Variants in ARFGAP3 observed in about 807,000 individuals in gnomAD.
ARFGAP3 encodes ADP-ribosylation factor GTPase-activating protein 3.
ARFGAP3 carries 72 observed loss-of-function variants against 75.0 expected under a neutral mutation model. The observed-to-expected ratio is 0.96, with a 90% confidence interval of 0.79 to 1.17. The LOEUF is 1.17. Among genes scored for constraint, ARFGAP3 ranks in the 50% most tolerant of loss-of-function variants. ARFGAP3 has a pLI of 0.00. For missense variants in ARFGAP3, 620 were observed against 626.6 expected (o/e 0.99, Z 0.11); for synonymous variants, 221 against 217.9 (o/e 1.01, Z -0.13).
intron 14 of ARFGAP3, among the ~76,000 whole-genome samples, chr22:42,801,027 C>T (rs928561389): frequency 1.3e-5 from 2 of 152,216 alleles, no homozygotes; most frequent in South Asian, 2.1e-4. Flanking sequence ...TAACTGATAA[C>T]ATCACTAAAG....
intron 6 of ARFGAP3, among the ~76,000 whole-genome samples, chr22:42,828,825 C>T (rs909822073): frequency 3.3e-5 from 5 of 151,558 alleles, no homozygotes; most frequent in African/African-American, 9.7e-5. Flanking sequence ...GCTGGGATTA[C>T]AGGCATGCAC....
intron 14 of ARFGAP3, among the ~76,000 whole-genome samples, chr22:42,804,450 C>T (rs2413724): frequency 0.4 from 57,307 of 144,226 alleles, 11,785 homozygotes; most frequent in Non-Finnish European, 0.45. Flanking sequence ...GGTGTGATCT[C>T]GGCACACTGC....
At chr22:42,842,235 C>G (rs375040538) in intron 2 of ARFGAP3, among the ~76,000 whole-genome samples, 2 of 151,420 alleles carry the variant, frequency 1.3e-5, no homozygotes, top group Admixed American at 1.3e-4. Context: ...AAACTCCCGA[C>G]CTTAGGTGAT....
chr22:42,817,431 T>C, intron 10 of ARFGAP3, 167 bp from the exon 11 acceptor site: 5 of 563,620 alleles, frequency 8.9e-6, no homozygotes, highest in Non-Finnish European at 1.1e-5. Flanking sequence ...TCAAAAATGT[T>C]AAAATTTTGT....
Position 42,847,411 on chromosome 22 carries a change from G to A in ARFGAP3, c.188+103C>T, listed in dbSNP as rs1034973838. On this transcript the variant is annotated intron_variant, in intron 2 of 15. Transcript: ENST00000263245. ...CACTCCTGCAGCCAAGGTGACAGGC[G>A]ACAAGGCAAGACACTGTCTCAAAAA... The A allele has an allele frequency of 7.2e-5, 72 of 995,184 alleles. 1 individual carries two copies. Among genetic ancestry groups the A allele is most frequent in the African/African-American group, 1.2e-4 (7 of 60,006 alleles). The allele number at this position is 995,184 out of a possible 1,614,324, so 61.6% of individuals were successfully genotyped here.
In ARFGAP3 at chr22:42,799,041, G is replaced by A; in HGVS notation, c.1531C>T (p.Gln511Ter). The change falls in exon 15 of 16, where the codon CAG becomes TAG. Residue 511 changes from glutamine (Q) to a stop codon, truncating the protein, a stop_gained and splice_region_variant. Transcript: ENST00000263245. LOFTEE classifies it high-confidence loss of function. ...GAGCACTGCCCCATTCCACTGACCTGAATTGAAGTCACGACTCCATTAGCA... is the reference window on the plus strand; with the variant it reads ...GAGCACTGCCCCATTCCACTGACCTAAATTGAAGTCACGACTCCATTAGCA... ...VFANGVVTSI[Q>*]DRYGS 1 of 1,614,044 alleles carries A rather than the reference G, an allele frequency of 6.2e-7. No individual in the cohort carries two copies. Among genetic ancestry groups the A allele is most frequent in the South Asian group, 1.1e-5 (1 of 91,078 alleles).
chr22:42,805,455 G>A (rs1048782488), intron 14 of ARFGAP3, among the ~76,000 whole-genome samples: 2 of 152,188 alleles, frequency 1.3e-5, no homozygotes, highest in Non-Finnish European at 2.9e-5. Flanking sequence ...CCTACAAGGC[G>A]ACCCAGCACT....
At position 42,807,098 on chromosome 22, in the gene ARFGAP3, G is replaced by A. The variant is rs1285739372; in HGVS notation, c.1386C>T (p.Phe462=). Residue 462 remains phenylalanine, a synonymous_variant, in exon 14 of 16, where the codon TTC becomes TTT. Transcript: ENST00000263245. ...CTGCTGGCTGCTTCCTCGGCTCCTC[G>A]AACAGATCAGCCGAGCTTATGGAGG... ...ASSSISSADL[F]EEPRKQPAGN... The A allele has an allele frequency of 1.9e-6, 3 of 1,612,284 alleles. No homozygotes were observed. Among genetic ancestry groups the A allele is most frequent in the Non-Finnish European group, 8.5e-7 (1 of 1,179,308 alleles).
At chr22:42,818,483 A>G (rs1483180528) in intron 9 of ARFGAP3, among the ~76,000 whole-genome samples, 1 of 152,204 alleles carries the variant, frequency 6.6e-6, no homozygotes, top group Non-Finnish European at 1.5e-5. Flanking sequence ...TTAAAATCAA[A>G]TATCTGCTAC....
intron 11 of ARFGAP3, among the ~76,000 whole-genome samples, chr22:42,813,784 T>G (rs1404839866): frequency 6.6e-6 from 1 of 152,210 alleles, no homozygotes; most frequent in African/African-American, 2.4e-5. Context: ...AGCTGACCTT[T>G]GGAAGGATGG....
At chr22:42,813,002 C>T (rs1413003045) in intron 11 of ARFGAP3, among the ~76,000 whole-genome samples, 2 of 152,192 alleles carry the variant, frequency 1.3e-5, no homozygotes, top group African/African-American at 4.8e-5. Flanking sequence ...GAAGTTACAT[C>T]GGAGGAAGGT....
Position 42,799,285 on chromosome 22 carries a change from G to A in ARFGAP3, c.1412-125C>T, listed in dbSNP as rs181236246. On this transcript the variant is annotated intron_variant, in intron 14 of 15. Transcript: ENST00000263245. Reference sequence around the variant, plus strand: ...CTCCCCTCCTGCTGCCTCACAAGGGGCCCAACAGTGGGATGGAGACTCGGG... The same window carrying A: ...CTCCCCTCCTGCTGCCTCACAAGGGACCCAACAGTGGGATGGAGACTCGGG... 2.1e-5 allele frequency: 31 copies of A among 1,500,698 alleles called. No homozygotes were observed. The African/African-American group carries it at 3.2e-4, about 15-fold the overall frequency. 93.0% of individuals were successfully genotyped at this position (1,500,698 alleles called of 1,614,324 possible). A position where few individuals can be genotyped will look rare whatever the true frequency, so the allele number is the denominator to read the frequency against.
intron 9 of ARFGAP3, among the ~76,000 whole-genome samples, chr22:42,821,197 AGGGC>A (rs1925798204): frequency 1.3e-5 from 2 of 152,230 alleles, no homozygotes; most frequent in Non-Finnish European, 2.9e-5. Flanking sequence ...AGAGTCCAAC[AGGGC>A]TTCAGATTAT....
At chr22:42,802,539 C>T (rs1177822795) in intron 14 of ARFGAP3, among the ~76,000 whole-genome samples, 3 of 151,590 alleles carry the variant, frequency 2.0e-5, no homozygotes, top group South Asian at 2.1e-4. Context: ...GTGATCCACC[C>T]GCCTCAGCCT....
intron 13 of ARFGAP3, among the ~76,000 whole-genome samples, chr22:42,807,461 AGCCAGCTGTCAGCAAAG>A (rs929968683): frequency 4.6e-5 from 7 of 152,290 alleles, no homozygotes; most frequent in Non-Finnish European, 1.0e-4. Context: ...TGCTGCTTCT[AGCCAGCTGTCAGCAAAG>A]GCCACTCTAA....
chr22:42,805,872 A>G (rs567406355), intron 14 of ARFGAP3, among the ~76,000 whole-genome samples: 3 of 151,766 alleles, frequency 2.0e-5, no homozygotes, highest in Admixed American at 6.6e-5. Context: ...TGCCAACACA[A>G]CCCTTGTCTC....
intron 14 of ARFGAP3, among the ~76,000 whole-genome samples, chr22:42,802,106 T>C (rs1022686610): frequency 9.2e-5 from 14 of 151,972 alleles, no homozygotes; most frequent in African/African-American, 3.1e-4. Context: ...GAAAGATCCC[T>C]GTGGGAAGAG....
Position 42,796,694 on chromosome 22 carries a change from TTTTC to T in ARFGAP3, c.*890_*893del, listed in dbSNP as rs1044000909. The T allele has an allele frequency of 5.9e-5, 9 of 152,236 alleles. No individual in the cohort carries two copies. Among genetic ancestry groups the T allele is most frequent in the Admixed American group, 1.3e-4 (2 of 15,276 alleles). The allele number at this position is 152,236 out of a possible 1,614,324, so 9.4% of individuals were successfully genotyped here. On this transcript the variant is annotated 3_prime_UTR_variant, in exon 16 of 16. Transcript: ENST00000263245. ...GCTGTCTAAAACACAGCTAAATTATTTTTCTTTATTTGTTTATACACATTCGGTA... is the reference window on the plus strand; with the variant it reads ...GCTGTCTAAAACACAGCTAAATTATTTTTATTTGTTTATACACATTCGGTA...
chr22:42,822,252 T>C lies in ARFGAP3; in HGVS notation c.812+18A>G, dbSNP rs1925844259. 1 of 1,593,530 alleles carries C rather than the reference T, an allele frequency of 6.3e-7. No homozygotes were observed. Among genetic ancestry groups the C allele is most frequent in the Non-Finnish European group, 8.6e-7 (1 of 1,165,354 alleles). On this transcript the variant is annotated intron_variant, in intron 9 of 15. Coordinates refer to ENST00000263245, the MANE Select transcript of ARFGAP3 (RefSeq NM_014570.5). Reference sequence around the variant, plus strand: ...TTTATTCCCTGAAAATGTATTAATATAATGAAATTAAACTTACATTGATTC... The same window carrying C: ...TTTATTCCCTGAAAATGTATTAATACAATGAAATTAAACTTACATTGATTC...
Sources: allele counts gnomAD v4.1 joint callset (sites outside exome capture counted in the v4.1 genomes callset), GRCh38; gene constraint gnomAD v4.1.1; transcripts MANE v1.5; gene names NCBI Gene and HGNC (gene_info 2026-07-23, HGNC 2026-07-21).